The following TOP6BL variants were observed in gnomAD, a reference collection of about 807,000 sequenced individuals.
TOP6BL encodes TOP6B like initiator of meiotic double strand breaks.
the TOP6BL span, among the ~76,000 whole-genome samples, chr11:66,821,218 G>A: frequency 6.6e-6 from 1 of 151,944 alleles, no homozygotes; most frequent in East Asian, 1.9e-4. Flanking sequence ...GTTGTACTCA[G>A]TATTGGATTT....
At chr11:66,843,345 CCGCGTCGGGCCCGGGCGGGG>C in the TOP6BL span, 16 of 1,469,206 alleles carry the variant, frequency 1.1e-5, no homozygotes, top group South Asian at 2.1e-4. Context: ...GCGTCTGCTT[CCGCGTCGGGCCCGGGCGGGG>C]CGGGGCGGGG....
the TOP6BL span, chr11:66,815,916 C>T: frequency 2.6e-6 from 2 of 775,382 alleles, no homozygotes; most frequent in South Asian, 4.7e-5. Flanking sequence ...GAAACAGGTT[C>T]AGGAGGGTAA....
the TOP6BL span, chr11:66,788,091 A>T: frequency 1.8e-6 from 2 of 1,130,626 alleles, no homozygotes; most frequent in Admixed American, 3.7e-5. Context: ...AGTTTAATAA[A>T]CAAATCCAGA....
At chr11:66,834,536 T>TA in the TOP6BL span, among the ~76,000 whole-genome samples, 1 of 152,216 alleles carries the variant, frequency 6.6e-6, no homozygotes, top group African/African-American at 2.4e-5. Flanking sequence ...AAAGGTAGAA[T>TA]AGCTGACCTC....
At chr11:66,783,543 G>A in the TOP6BL span, among the ~76,000 whole-genome samples, 1 of 152,014 alleles carries the variant, frequency 6.6e-6, no homozygotes, top group Non-Finnish European at 1.5e-5. Flanking sequence ...AGGGTTTTCT[G>A]CTTATCCTTG....
the TOP6BL span, among the ~76,000 whole-genome samples, chr11:66,822,901 G>A: frequency 3.4e-4 from 52 of 152,086 alleles, no homozygotes; most frequent in Middle Eastern, 6.8e-3. Context: ...CTCCTCAGGA[G>A]GCTGAGGTAG....
At chr11:66,826,571 G>A in the TOP6BL span, among the ~76,000 whole-genome samples, 1 of 152,166 alleles carries the variant, frequency 6.6e-6, no homozygotes, top group Non-Finnish European at 1.5e-5. Context: ...ATAGCACAGG[G>A]TAGTGAAAAG....
chr11:66,843,230 C>A, the TOP6BL span: 3 of 1,609,438 alleles, frequency 1.9e-6, no homozygotes, highest in Admixed American at 3.3e-5. Context: ...AGCCCTGGGC[C>A]CTGAGCCGGG....
At chr11:66,822,781 A>T in the TOP6BL span, 1 of 725,400 alleles carries the variant, frequency 1.4e-6, no homozygotes, top group Non-Finnish European at 2.3e-6. Context: ...AGGTAGGAGG[A>T]TTGCTTGAGC....
the TOP6BL span, among the ~76,000 whole-genome samples, chr11:66,811,164 G>A: frequency 0.42 from 63,346 of 151,564 alleles, 14,472 homozygotes; most frequent in African/African-American, 0.61. Flanking sequence ...CATTTTCTAT[G>A]TTCTTCATAT....
chr11:66,781,123 G>T, the TOP6BL span, among the ~76,000 whole-genome samples: 1 of 151,926 alleles, frequency 6.6e-6, no homozygotes, highest in Non-Finnish European at 1.5e-5. Flanking sequence ...ATGGTTTTTT[G>T]ATGTTTTTCT....
the TOP6BL span, among the ~76,000 whole-genome samples, chr11:66,791,126 AAGTAGCAAGGTTC>A: frequency 6.6e-6 from 1 of 152,198 alleles, no homozygotes; most frequent in South Asian, 2.1e-4. Context: ...GAGAAAGGTT[AAGTAGCAAGGTTC>A]ACAGCAAAGG....
the TOP6BL span, among the ~76,000 whole-genome samples, chr11:66,829,574 GA>G: frequency 1.9e-4 from 24 of 126,702 alleles, no homozygotes; most frequent in South Asian, 7.2e-4. Flanking sequence ...CTCTGTCCCA[GA>G]AAAAAAAAAA....
chr11:66,798,973 G>A, the TOP6BL span, among the ~76,000 whole-genome samples: 4 of 152,046 alleles, frequency 2.6e-5, no homozygotes, highest in Non-Finnish European at 5.9e-5. Context: ...TTGGGAGGCC[G>A]AGGTGGGCAG....
the TOP6BL span, chr11:66,796,275 T>A: frequency 6.2e-7 from 1 of 1,602,256 alleles, no homozygotes; most frequent in Admixed American, 1.7e-5. Flanking sequence ...TGTTGTATTA[T>A]TACAGGTTGA....
the TOP6BL span, among the ~76,000 whole-genome samples, chr11:66,757,593 A>AT: frequency 2.4e-4 from 36 of 150,464 alleles, no homozygotes; most frequent in Non-Finnish European, 4.3e-4. Flanking sequence ...AGGAACTAAA[A>AT]TTTTTTTTTT....
At chr11:66,770,205 T>A in the TOP6BL span, among the ~76,000 whole-genome samples, 12 of 152,196 alleles carry the variant, frequency 7.9e-5, no homozygotes, top group Admixed American at 7.9e-4. Context: ...CCAAATCAAC[T>A]GGCACCTTGA....
At chr11:66,816,308 T>G in the TOP6BL span, 522,255 of 1,242,864 alleles carry the variant, frequency 0.42, 116,113 homozygotes, top group African/African-American at 0.8. Flanking sequence ...GTAGAATAAA[T>G]AAGTTCAGTG....
At chr11:66,839,774 A>G in the TOP6BL span, among the ~76,000 whole-genome samples, 1 of 152,216 alleles carries the variant, frequency 6.6e-6, no homozygotes, top group African/African-American at 2.4e-5. Flanking sequence ...GAGACAAAGG[A>G]ATAAGTATCT....
Sources: gnomAD v4.1 joint callset for allele counts (sites outside exome capture counted in the v4.1 genomes callset) on GRCh38, gnomAD v4.1.1 for gene constraint, MANE v1.5 for transcripts, NCBI Gene and HGNC (gene_info 2026-07-23, HGNC 2026-07-21) for gene names.